LRRIQ1: variants seen among roughly 807,000 people sequenced by gnomAD.
The protein encoded by LRRIQ1 is leucine rich repeats and IQ motif containing 1.
Under a neutral mutation model 211.9 loss-of-function variants are expected in LRRIQ1, and 210 were observed. The observed-to-expected ratio is 0.99, with a 90% CI of 0.89 to 1.11. The LOEUF (loss-of-function observed/expected upper bound fraction) is 1.11, where lower values mean the gene tolerates loss of function less well. Among genes scored for constraint, LRRIQ1 ranks in the 50% most tolerant of loss-of-function variants. The pLI is 0.00. For synonymous variants in LRRIQ1, 699 were observed against 650.1 expected, an observed-to-expected ratio of 1.08 and a Z score of -1.14; for missense variants, 2,136 against 1,939.5, an observed-to-expected ratio of 1.10 and a Z score of -1.90.
Position 85,153,708 on chromosome 12 carries a change from T to G in LRRIQ1, c.4587T>G (p.Ser1529Arg). Residue 1529 changes from serine to arginine, a missense_variant, in exon 22 of 27, where the codon AGT (serine) becomes AGG (arginine). Transcript: ENST00000393217. ...CCTGGACACCTGAATCAAAGACCAG[T>G]AGAAAGAGTTTGCTAAAATCTGAAA... Reference protein sequence around the residue: ...TSSWTPESKTSRKSLLKSEKE... With the variant: ...TSSWTPESKTRRKSLLKSEKE... 1 of 1,586,346 alleles carries G rather than the reference T, an allele frequency of 6.3e-7. No homozygotes were observed. Among genetic ancestry groups the G allele is most frequent in the Non-Finnish European group, 8.6e-7 (1 of 1,168,564 alleles).
At chr12:85,170,546 A>G (rs991049731) in intron 24 of LRRIQ1, among the ~76,000 whole-genome samples, 14 of 151,004 alleles carry the variant, frequency 9.3e-5, no homozygotes. Context: ...CACTTTTTAT[A>G]CATATATGTG....
chr12:85,186,459 C>T (rs1236694338), intron 24 of LRRIQ1, among the ~76,000 whole-genome samples: 1 of 151,962 alleles, frequency 6.6e-6, no homozygotes, highest in East Asian at 1.9e-4. Flanking sequence ...TGCATGGTAC[C>T]CTTGAGAGTT....
chr12:85,265,249 G>A (rs1166588468), downstream of LRRIQ1, among the ~76,000 whole-genome samples: 1 of 151,974 alleles, frequency 6.6e-6, no homozygotes, highest in African/African-American at 2.4e-5. Context: ...GAGAAACATA[G>A]TGATGTCCTT....
At chr12:85,177,061 CTCA>C (rs1165478237) in intron 24 of LRRIQ1, among the ~76,000 whole-genome samples, 4 of 152,046 alleles carry the variant, frequency 2.6e-5, no homozygotes, top group Non-Finnish European at 4.4e-5. Context: ...CTTGATTTTC[CTCA>C]TCAATTAATT....
intron 1 of LRRIQ1, among the ~76,000 whole-genome samples, chr12:85,037,609 A>G (rs1481005587): frequency 2.6e-5 from 4 of 151,838 alleles, no homozygotes; most frequent in African/African-American, 9.7e-5. Flanking sequence ...GAAAGGAGGA[A>G]TTAACGAAAG....
At chr12:85,158,731 T>G (rs2136710936) in intron 23 of LRRIQ1, among the ~76,000 whole-genome samples, 1 of 152,050 alleles carries the variant, frequency 6.6e-6, no homozygotes, top group East Asian at 1.9e-4. Flanking sequence ...ATAAAAAGAT[T>G]TATGTTTATA....
At chr12:85,236,098 C>G (rs1413023044) in intron 26 of LRRIQ1, among the ~76,000 whole-genome samples, 2 of 151,910 alleles carry the variant, frequency 1.3e-5, no homozygotes, top group Non-Finnish European at 2.9e-5. Context: ...GAATGCACAC[C>G]TTTTACAACA....
chr12:85,097,693 A>AT (rs1886012759), intron 11 of LRRIQ1, among the ~76,000 whole-genome samples: 1 of 152,194 alleles, frequency 6.6e-6, no homozygotes, highest in Non-Finnish European at 1.5e-5. Context: ...GATTTTTAAT[A>AT]TCTTCCATGA....
chr12:85,205,928 A>G (rs1324869155), intron 24 of LRRIQ1, among the ~76,000 whole-genome samples: 1 of 152,194 alleles, frequency 6.6e-6, no homozygotes, highest in Admixed American at 6.5e-5. Context: ...AAATTCTTGG[A>G]GAGAGTTTTT....
intron 24 of LRRIQ1, among the ~76,000 whole-genome samples, chr12:85,228,689 G>T (rs1410507069): frequency 6.6e-6 from 1 of 152,134 alleles, no homozygotes; most frequent in Non-Finnish European, 1.5e-5. Context: ...GTATGTATGT[G>T]TGTCTGCACG....
At position 85,251,797 on chromosome 12, in the gene LRRIQ1, T is replaced by C. The variant is rs376878459; in HGVS notation, c.121+6888T>C. 1.2e-4 allele frequency among the ~76,000 whole-genome samples: 18 copies of C among 146,992 alleles called. No homozygotes were observed. The South Asian group carries it at 3.2e-3, about 26-fold the overall frequency. On this transcript the variant is annotated intron_variant, in intron 1 of 1. Coordinates refer to the LRRIQ1 transcript ENST00000602731. ...TGGCGCAAAAAAAAAAAAACAGATA[T>C]AGAGGAGATCAAGATTCCTTCTAGC...
intron 16 of LRRIQ1, among the ~76,000 whole-genome samples, chr12:85,122,200 T>G (rs1888036533): frequency 6.6e-6 from 1 of 152,172 alleles, no homozygotes; most frequent in Non-Finnish European, 1.5e-5. Context: ...GGCAAGACTA[T>G]TTATCCCCAA....
intron 18 of LRRIQ1, among the ~76,000 whole-genome samples, chr12:85,135,230 C>A (rs186709906): frequency 6.6e-6 from 1 of 152,012 alleles, no homozygotes; most frequent in Non-Finnish European, 1.5e-5. Context: ...TTGCCAAATG[C>A]ATCCTCATGA....
intron 15 of LRRIQ1, among the ~76,000 whole-genome samples, chr12:85,115,631 T>G (rs1464283343): frequency 6.6e-6 from 1 of 152,174 alleles, no homozygotes; most frequent in Non-Finnish European, 1.5e-5. Flanking sequence ...TTGGATGTAA[T>G]ATTTATATCA....
intron 24 of LRRIQ1, among the ~76,000 whole-genome samples, chr12:85,166,962 G>A (rs1891182328): frequency 6.6e-6 from 1 of 152,188 alleles, no homozygotes; most frequent in South Asian, 2.1e-4. Context: ...ATAATGGATA[G>A]TTAATAAATG....
intron 26 of LRRIQ1, among the ~76,000 whole-genome samples, chr12:85,238,966 G>A (rs561506078): frequency 1.2e-4 from 18 of 151,924 alleles, no homozygotes; most frequent in Non-Finnish European, 2.6e-4. Flanking sequence ...CTAAATATTA[G>A]CAATAAAGTT....
chr12:85,223,328 G>C (rs1894489545), intron 24 of LRRIQ1, among the ~76,000 whole-genome samples: 1 of 152,056 alleles, frequency 6.6e-6, no homozygotes, highest in Admixed American at 6.6e-5. Context: ...AATCTAAAAA[G>C]GATCCTGAAG....
chr12:85,127,619 C>T (rs1002424175), intron 17 of LRRIQ1, among the ~76,000 whole-genome samples: 20 of 152,184 alleles, frequency 1.3e-4, no homozygotes, highest in African/African-American at 4.6e-4. Context: ...TACCCACATA[C>T]CCAACTACTG....
At chr12:85,085,959 A>G (rs1884773311) in intron 11 of LRRIQ1, among the ~76,000 whole-genome samples, 1 of 152,170 alleles carries the variant, frequency 6.6e-6, no homozygotes, top group Non-Finnish European at 1.5e-5. Context: ...ATATTTAGTA[A>G]TGGTATTGTT....
Sources: gnomAD v4.1 joint callset for allele counts (sites outside exome capture counted in the v4.1 genomes callset) on GRCh38, gnomAD v4.1.1 for gene constraint, MANE v1.5 for transcripts, NCBI Gene and HGNC (gene_info 2026-07-23, HGNC 2026-07-21) for gene names.